Variants in OTOF observed in about 807,000 individuals in gnomAD.
OTOF encodes fer-1-like family member 2.
OTOF carries 218 observed loss-of-function variants against 236.8 expected under a neutral mutation model. The observed-to-expected ratio is 0.92, with a 90% confidence interval of 0.82 to 1.03. OTOF has a LOEUF of 1.03. OTOF is among the 50% of genes least tolerant of loss of function. The pLI is 0.00. For missense variants in OTOF, 2,590 were observed against 2,694.4 expected (o/e 0.96, Z 0.86); for synonymous variants, 1,041 against 1,072.5 (o/e 0.97, Z 0.57).
intron 38 of OTOF, 99 bp from the exon 39 acceptor site, chr2:26,465,128 C>G (rs1572406907): frequency 9.3e-7 from 1 of 1,077,002 alleles, no homozygotes; most frequent in East Asian, 2.6e-5. Context: ...GGCTGTTGCC[C>G]TCATCAGCAA....
rs376894247 is a variant in OTOF at position 26,537,700 on chromosome 2, G to A, written c.138+16C>T. The A allele has an allele frequency of 2.5e-5, 38 of 1,547,782 alleles. No homozygotes were observed. The highest frequency in any genetic ancestry group is 2.9e-5 in the Non-Finnish European group (33 of 1,143,250). On this transcript the variant is annotated intron_variant, in intron 2 of 46. Transcript: ENST00000272371. The stretch of plus-strand genomic sequence containing the variant: ...GGGCTCAGGGCTGAGGGAGGGGGGA[G>A]TCTTGGGCCTCCTACCTCATCAAAG...
intron 2 of OTOF, among the ~76,000 whole-genome samples, chr2:26,531,485 G>A (rs1666947532): frequency 6.6e-6 from 1 of 152,178 alleles, no homozygotes; most frequent in African/African-American, 2.4e-5. Flanking sequence ...ACGGCAGAAT[G>A]TGTTTAGTTT....
At position 26,473,350 on chromosome 2, in the gene OTOF, T is replaced by C. The variant is rs1665091758; in HGVS notation, c.3570+56A>G. 48 of 1,613,000 alleles carry C rather than the reference T, an allele frequency of 3.0e-5. 2 individuals carry two copies. In the South Asian group the frequency reaches 4.8e-4, roughly 16 times the overall value. ...CCAAGAAGGGGCAGAGGAAGCCGGC[T>C]GGCTGAGTGGAGCCACACTGGCCAC... is the stretch of plus-strand genomic sequence containing the variant. On this transcript the variant is annotated intron_variant, in intron 28 of 46. Coordinates refer to ENST00000272371, the MANE Select transcript of OTOF (RefSeq NM_194248.3). The surrounding 1 kb of genome is among the most constrained non-coding windows in gnomAD (Gnocchi z 7.2).
intron 1 of OTOF, among the ~76,000 whole-genome samples, chr2:26,543,524 A>G (rs1667256506): frequency 6.6e-6 from 1 of 152,202 alleles, no homozygotes; most frequent in Admixed American, 6.5e-5. Flanking sequence ...CCCTGAGTTC[A>G]AATCCCAGCT....
At chr2:26,491,649 C>A (rs1665843059) in intron 9 of OTOF, among the ~76,000 whole-genome samples, 1 of 152,182 alleles carries the variant, frequency 6.6e-6, no homozygotes, top group Admixed American at 6.5e-5. Context: ...GATGGTGGCG[C>A]TCCCAAGATG....
chr2:26,458,224 G>A lies in OTOF; in HGVS notation c.*18-4C>T, dbSNP rs1664280618. On this transcript the variant is annotated splice_polypyrimidine_tract_variant and splice_region_variant and intron_variant, in intron 46 of 46. Transcript: ENST00000272371. ...GACGAAGGCCGTGTCGGGCCGGCTG[G>A]GAAGTGGAAGAGAGGAGCCGGTCAG... 3 of 1,572,054 alleles carry A rather than the reference G, an allele frequency of 1.9e-6. No individual in the cohort carries two copies. Among genetic ancestry groups the A allele is most frequent in the Non-Finnish European group, 2.6e-6 (3 of 1,158,686 alleles).
In OTOF at chr2:26,482,406, C is replaced by T; in HGVS notation, c.1579G>A (p.Gly527Ser). The T allele has an allele frequency of 1.2e-6, 2 of 1,613,166 alleles. No individual in the cohort carries two copies. Among genetic ancestry groups the T allele is most frequent in the Non-Finnish European group, 1.7e-6 (2 of 1,179,972 alleles). ...LRKISNDGDK[G>S]FLPTLGPAWV... The stretch of plus-strand genomic sequence containing the variant: ...GCACACCGGGTCTCCCGCTGCTGAC[C>T]TTTGTCTCCGTCATTAGAAATCTTG... Residue 527 changes from glycine to serine, a missense_variant and splice_region_variant, in exon 14 of 47, where the codon GGC becomes AGC. Gly to Ser is a moderately conservative substitution (Grantham distance 56). Around this residue, in one of 2 missense-constraint regions of OTOF, gnomAD observed 1,379 missense variants for 1,341.6 expected, o/e 1.03. Coordinates refer to ENST00000272371, the MANE Select transcript of OTOF (RefSeq NM_194248.3).
At position 26,527,758 on chromosome 2, in the gene OTOF, G is replaced by A. The variant is rs1666843488; in HGVS notation, c.227+74C>T. On this transcript the variant is annotated intron_variant, in intron 3 of 46. Transcript: ENST00000272371. ...AGGTCCCCTTTTTAAGCCCCAAACA[G>A]AGGGTAGCCCAAGGAGAAGAGCAGG... 11 of 1,086,824 alleles carry A rather than the reference G, an allele frequency of 1.0e-5. No individual in the cohort carries two copies. In the South Asian group the frequency reaches 1.4e-4, roughly 13 times the overall value. 67.3% of individuals were successfully genotyped at this position (1,086,824 alleles called of 1,614,324 possible). A position where few individuals can be genotyped will look rare whatever the true frequency, so the allele number is the denominator to read the frequency against.
Position 26,483,509 on chromosome 2 carries a change from T to C in OTOF, c.1345A>G (p.Lys449Glu). The C allele has an allele frequency of 6.2e-7, 1 of 1,614,004 alleles. No individual in the cohort carries two copies. Among genetic ancestry groups the C allele is most frequent in the Non-Finnish European group, 8.5e-7 (1 of 1,180,016 alleles). The change falls in exon 13 of 47, where the codon AAG becomes GAG. Residue 449 changes from lysine (K) to glutamate (E), a missense_variant. Physicochemically the swap from Lys to Glu is moderately conservative, Grantham distance 56. Around this residue, in one of 2 missense-constraint regions of OTOF, gnomAD observed 1,379 missense variants for 1,341.6 expected, o/e 1.03. Transcript: ENST00000272371. Reference sequence around the variant, plus strand: ...TGCACGTAGGGGTCCACGAGGTCCTTGTTTTCACCGATGAAAGCCTTCTTT... The same window carrying C: ...TGCACGTAGGGGTCCACGAGGTCCTCGTTTTCACCGATGAAAGCCTTCTTT... The part of the protein sequence containing the change: ...NVKKAFIGEN[K>E]DLVDPYVQVF...
At chr2:26,500,432 C>T (rs1023113166) in intron 8 of OTOF, among the ~76,000 whole-genome samples, 3 of 152,106 alleles carry the variant, frequency 2.0e-5, no homozygotes, top group Non-Finnish European at 2.9e-5. Flanking sequence ...GAGTTGGGGT[C>T]GTTGTTCTTT....
chr2:26,467,299 A>T lies in OTOF; in HGVS notation c.4227+66T>A, dbSNP rs549437124. 195 of 1,613,752 alleles carry T rather than the reference A, an allele frequency of 1.2e-4. 1 individual carries two copies. The African/African-American group carries it at 2.4e-3, about 20-fold the overall frequency. ...CTGGCTTTTGTCCTGCCCCACCTGC[A>T]GGATCACTGCGCCCCCCTCTTCCCG... On this transcript the variant is annotated intron_variant, in intron 34 of 46. Transcript: ENST00000272371.
chr2:26,473,557 C>G lies in OTOF; in HGVS notation c.3419G>C (p.Trp1140Ser). The G allele has an allele frequency of 6.2e-7, 1 of 1,606,528 alleles. No homozygotes were observed. The highest frequency in any genetic ancestry group is 8.5e-7 in the Non-Finnish European group (1 of 1,178,108). ...LSKYRVEVLF[W>S]GLRDLKRVNL... ...CACCCGCTTTAGGTCCCGTAGGCCC[C>G]AGAACAGCACCTGGGAGAGGTTGGA... The change falls in exon 28 of 47, where the codon TGG (tryptophan) becomes TCG (serine). Residue 1140 changes from tryptophan (W) to serine (S), a missense_variant. Physicochemically the swap from Trp to Ser is radical, Grantham distance 177. Transcript: ENST00000272371. This position sits in a 1 kb window ranked among gnomAD's most constrained non-coding sequence, Gnocchi z 7.2.
chr2:26,516,689 G>T (rs935223886), intron 4 of OTOF, 90 bp from the exon 5 acceptor site: 25 of 1,363,370 alleles, frequency 1.8e-5, no homozygotes, highest in Non-Finnish European at 2.6e-5. Flanking sequence ...TTTACACAGC[G>T]CTTCCACACC....
intron 1 of OTOF, among the ~76,000 whole-genome samples, chr2:26,553,674 G>C (rs998497667): frequency 2.0e-5 from 3 of 152,032 alleles, no homozygotes; most frequent in Admixed American, 1.3e-4. Flanking sequence ...AAGACCCTTC[G>C]GTGGCTTCTT....
intron 36 of OTOF, chr2:26,466,456 C>T (rs1369344263): frequency 3.0e-5 from 16 of 531,458 alleles, no homozygotes; most frequent in Non-Finnish European, 4.1e-5. Context: ...CCTGCCTCAG[C>T]CTCCTCAGTA....
chr2:26,467,325 C>A, intron 34 of OTOF, 40 bp downstream of exon 34: 7 of 1,613,654 alleles, frequency 4.3e-6, no homozygotes, highest in Non-Finnish European at 5.9e-6. Context: ...CCTCTTCCCG[C>A]CCCCACACAC....
chr2:26,490,669 C>T (rs980813484), intron 9 of OTOF, among the ~76,000 whole-genome samples: 1 of 152,184 alleles, frequency 6.6e-6, no homozygotes, highest in Admixed American at 6.5e-5. Flanking sequence ...CAGAGCCAGC[C>T]CCACCTGGCT....
intron 5 of OTOF, among the ~76,000 whole-genome samples, chr2:26,509,397 C>T (rs944656640): frequency 6.6e-6 from 1 of 152,172 alleles, no homozygotes; most frequent in Non-Finnish European, 1.5e-5. Flanking sequence ...ACTCCTCCAT[C>T]CTTCAGGTCT....
Position 26,495,007 on chromosome 2 carries a change from C to T in OTOF, c.832G>A (p.Glu278Lys), listed in dbSNP as rs1367386647. The T allele has an allele frequency of 3.7e-6, 6 of 1,614,192 alleles. No homozygotes were observed. The highest frequency in any genetic ancestry group is 5.1e-6 in the Non-Finnish European group (6 of 1,180,010). The change falls in exon 9 of 47, where the codon GAG becomes AAG. Residue 278 changes from glutamate (E) to lysine (K), a missense_variant. This residue lies in a region of OTOF where 1,379 missense variants were observed against 1,341.6 expected (regional missense o/e 1.03). Transcript: ENST00000272371. ...GTGTACTTCTTGTCGTCACCCACCTCCACGCACACCACAGGGTCCATGTTC... is the reference window on the plus strand; with the variant it reads ...GTGTACTTCTTGTCGTCACCCACCTTCACGCACACCACAGGGTCCATGTTC... The part of the protein sequence containing the change: ...GLNMDPVVCV[E>K]VGDDKKYTSM...
Sources: allele counts gnomAD v4.1 joint callset (sites outside exome capture counted in the v4.1 genomes callset), GRCh38; gene constraint gnomAD v4.1.1; regional missense constraint gnomAD v4.1.1; non-coding constraint Gnocchi (gnomAD v3.1); transcripts MANE v1.5; gene names NCBI Gene and HGNC (gene_info 2026-07-23, HGNC 2026-07-21).